SCN11A: variants seen among roughly 807,000 people sequenced by gnomAD.
SCN11A encodes sodium voltage-gated channel alpha subunit 11.
In SCN11A, 122 loss-of-function variants were observed where a neutral mutation model predicts 162.2. That is an observed-to-expected ratio of 0.75 (90% CI 0.65 to 0.87). The LOEUF is 0.87. SCN11A is among the 40% of genes least tolerant of loss of function. The probability of loss-of-function intolerance (pLI) is 0.00; values close to 1 mark genes in which losing one functional copy is unlikely to be tolerated. For synonymous variants in SCN11A, 758 were observed against 751.5 expected (o/e 1.01, Z -0.14); for missense variants, 2,015 against 2,181.6 (o/e 0.92, Z 1.52).
chr3:38,891,498 T>C lies in SCN11A; in HGVS notation c.2835+3035A>G, dbSNP rs184186915. 3.7e-4 allele frequency among the ~76,000 whole-genome samples: 56 copies of C among 152,270 alleles called. 1 individual carries two copies. Among genetic ancestry groups the C allele is most frequent in the Non-Finnish European group, 6.5e-4 (44 of 68,010 alleles). ...AGTAATGGCTGAAGACTCCTCAAAA[T>C]TGATCGAAAACATTAATCTACACGT... On this transcript the variant is annotated intron_variant, in intron 19 of 29. Transcript: ENST00000302328.
At chr3:38,973,498 A>G (rs983099808) in intron 2 of SCN11A, among the ~76,000 whole-genome samples, 12 of 152,192 alleles carry the variant, frequency 7.9e-5, no homozygotes. Context: ...TTTATATTAA[A>G]AAACTGTGGT....
At chr3:39,027,249 C>A (rs1354689206) in intron 2 of SCN11A, among the ~76,000 whole-genome samples, 1 of 152,136 alleles carries the variant, frequency 6.6e-6, no homozygotes, top group Non-Finnish European at 1.5e-5. Context: ...AAGACTATTC[C>A]TTACTTAAGT....
chr3:39,003,322 C>T (rs2030872679), intron 2 of SCN11A, among the ~76,000 whole-genome samples: 1 of 152,112 alleles, frequency 6.6e-6, no homozygotes, highest in Non-Finnish European at 1.5e-5. Context: ...AGGTATAATG[C>T]CCTCCAGCTC....
chr3:38,934,971 G>A (rs964927423), intron 7 of SCN11A, among the ~76,000 whole-genome samples: 1 of 151,234 alleles, frequency 6.6e-6, no homozygotes, highest in Non-Finnish European at 1.5e-5. Context: ...TGACCACATA[G>A]TTGGAAGTAA....
intron 2 of SCN11A, among the ~76,000 whole-genome samples, chr3:38,990,589 A>G (rs1403590172): frequency 6.6e-6 from 1 of 152,196 alleles, no homozygotes; most frequent in East Asian, 1.9e-4. Flanking sequence ...ACTAGGAAGG[A>G]AACAAGTGCT....
chr3:38,904,858 T>C (rs2065767592), intron 15 of SCN11A, among the ~76,000 whole-genome samples: 1 of 152,200 alleles, frequency 6.6e-6, no homozygotes. Context: ...GTTCTTTGAC[T>C]GACTATTGTT....
Position 38,894,983 on chromosome 3 carries a change from G to A in SCN11A, c.2404-19C>T, listed in dbSNP as rs767367617. The A allele has an allele frequency of 2.0e-5, 32 of 1,565,732 alleles. No individual in the cohort carries two copies. The highest frequency in any genetic ancestry group is 2.6e-5 in the Non-Finnish European group (30 of 1,156,442). On this transcript the variant is annotated intron_variant, in intron 18 of 29. Transcript: ENST00000302328. ...TGAGCACCTGGGAATGGGGTGGGTA[G>A]CAAGAAGAAAGGAAAGTTTAGCAAA...
intron 2 of SCN11A, among the ~76,000 whole-genome samples, chr3:39,021,788 G>A (rs974147572): frequency 6.6e-6 from 1 of 152,096 alleles, no homozygotes; most frequent in African/African-American, 2.4e-5. Flanking sequence ...TGTCTGGATG[G>A]AGCCTGAACA....
chr3:39,011,417 C>T (rs1480882688), intron 2 of SCN11A, among the ~76,000 whole-genome samples: 1 of 152,190 alleles, frequency 6.6e-6, no homozygotes, highest in Non-Finnish European at 1.5e-5. Context: ...GCGTGTCCTT[C>T]TCCAGGGCCC....
rs942668907 is a variant in SCN11A, at chr3:38,978,753, G to A, written c.-279-18330C>T. On this transcript the variant is annotated intron_variant, in intron 2 of 29. Transcript: ENST00000302328. ...ACATGATAAGGAAGGATAAAGAAAA[G>A]CTCCCTAATGTGGTTTGTGGACCCA... Among the ~76,000 whole-genome samples, 4 of 152,108 alleles carry A rather than the reference G, an allele frequency of 2.6e-5. No individual in the cohort carries two copies. In the East Asian group the frequency reaches 7.7e-4, roughly 29 times the overall value.
chr3:38,980,671 T>C (rs909497410), intron 2 of SCN11A, among the ~76,000 whole-genome samples: 2 of 152,214 alleles, frequency 1.3e-5, no homozygotes, highest in African/African-American at 4.8e-5. Flanking sequence ...CTTTTTGGGT[T>C]TTCTGGAGGT....
chr3:38,988,698 T>C (rs2030348265), intron 2 of SCN11A, among the ~76,000 whole-genome samples: 1 of 152,202 alleles, frequency 6.6e-6, no homozygotes, highest in South Asian at 2.1e-4. Context: ...TTTAAAGATA[T>C]TTTATAAGTG....
At position 38,950,170 on chromosome 3, in the gene SCN11A, G is replaced by A. The variant is rs1035232025; in HGVS notation, c.193C>T (p.Leu65Phe). The change falls in exon 5 of 30, where the codon CTC becomes TTC. Residue 65 changes from leucine to phenylalanine, a missense_variant. Physicochemically the swap from Leu to Phe is conservative, Grantham distance 22. Transcript: ENST00000302328. ...DLKASRKLPK[L>F]YGDIPRELIG... Reference sequence around the variant, plus strand: ...AGCTCACGAGGAATGTCGCCATAGAGCTTGGGCAACTTCCTGGAGGCCTTT... The same window carrying A: ...AGCTCACGAGGAATGTCGCCATAGAACTTGGGCAACTTCCTGGAGGCCTTT... 18 of 1,611,490 alleles carry A rather than the reference G, an allele frequency of 1.1e-5. No individual in the cohort carries two copies. The highest frequency in any genetic ancestry group is 2.2e-5 in the East Asian group (1 of 44,738).
At position 39,004,328 on chromosome 3, in the gene SCN11A, T is replaced by C. The variant is rs1179485564; in HGVS notation, c.-280+28052A>G. Among the ~76,000 whole-genome samples, 3 of 152,314 alleles carry C rather than the reference T, an allele frequency of 2.0e-5. No individual in the cohort carries two copies. The South Asian group carries it at 6.2e-4, about 32-fold the overall frequency. On this transcript the variant is annotated intron_variant, in intron 2 of 29. Coordinates refer to ENST00000302328, the MANE Select transcript of SCN11A (RefSeq NM_001349253.2). Reference sequence around the variant, plus strand: ...TCAGCTTTGTCAAAAAACAGATTGTTGTAGGTGTGCGGCCTTATTTCTGGG... The same window carrying C: ...TCAGCTTTGTCAAAAAACAGATTGTCGTAGGTGTGCGGCCTTATTTCTGGG...
chr3:39,012,452 CTCTTTCTT>C lies in SCN11A; in HGVS notation c.-280+19920_-280+19927del, dbSNP rs139421967. Among the ~76,000 whole-genome samples, 89 of 148,290 alleles carry C rather than the reference CTCTTTCTT, an allele frequency of 6.0e-4. 2 individuals carry two copies. The highest frequency in any genetic ancestry group is 1.1e-3 in the Non-Finnish European group (75 of 67,714). On this transcript the variant is annotated intron_variant, in intron 2 of 29. Coordinates refer to ENST00000302328, the MANE Select transcript of SCN11A (RefSeq NM_001349253.2). ...TTTCTTTCTTTCTCTCTCTCTTTCT[CTCTTTCTT>C]TCTTTCTCTCTCTCTTTCTCTCTTT...
In SCN11A at chr3:38,953,892, A is replaced by G. The variant is rs138562889; in HGVS notation, c.-138-133T>C. ...CTTGAAACTCCCTCAGGAAGGCACCATACTGAAGAGGCATCCCAATTCATT... is the reference window on the plus strand; with the variant it reads ...CTTGAAACTCCCTCAGGAAGGCACCGTACTGAAGAGGCATCCCAATTCATT... On this transcript the variant is annotated intron_variant, in intron 3 of 29. Transcript: ENST00000302328. 2.0e-5 allele frequency among the ~76,000 whole-genome samples: 3 copies of G among 152,346 alleles called. No homozygotes were observed. In the East Asian group the frequency reaches 5.8e-4, roughly 29 times the overall value.
intron 2 of SCN11A, among the ~76,000 whole-genome samples, chr3:38,974,923 T>A (rs1203805776): frequency 6.7e-6 from 1 of 150,160 alleles, no homozygotes; most frequent in Non-Finnish European, 1.5e-5. Flanking sequence ...TGCAAAATAG[T>A]GAAATTTTGA....
At chr3:38,863,764 TCTAA>T (rs1214299279) in intron 27 of SCN11A, among the ~76,000 whole-genome samples, 1 of 152,052 alleles carries the variant, frequency 6.6e-6, no homozygotes, top group East Asian at 1.9e-4. Flanking sequence ...AAAAAAAAGT[TCTAA>T]CTATTTTCAC....
At chr3:38,966,708 T>C (rs1178467643) in intron 2 of SCN11A, among the ~76,000 whole-genome samples, 1 of 152,212 alleles carries the variant, frequency 6.6e-6, no homozygotes, top group Middle Eastern at 3.2e-3. Flanking sequence ...TTATGCCTTC[T>C]ACCTAACCGT....
Sources: allele counts gnomAD v4.1 joint callset (sites outside exome capture counted in the v4.1 genomes callset), GRCh38; gene constraint gnomAD v4.1.1; transcripts MANE v1.5; gene names NCBI Gene and HGNC (gene_info 2026-07-23, HGNC 2026-07-21).